The following VPS53 variants were observed in gnomAD, a reference collection of about 807,000 sequenced individuals.
The protein encoded by VPS53 is vacuolar protein sorting-associated protein 53 homolog.
VPS53 carries 70 observed loss-of-function variants against 107.0 expected under a neutral mutation model. The observed-to-expected ratio is 0.65, with a 90% confidence interval of 0.54 to 0.80. VPS53 has a LOEUF of 0.80. Ranked by LOEUF, VPS53 falls within the 30% of genes least tolerant of loss-of-function variation. VPS53 has a pLI of 0.00. For synonymous variants in VPS53, 409 were observed against 393.3 expected (o/e 1.04, Z -0.47); for missense variants, 917 against 1,049.4 (o/e 0.87, Z 1.74).
intron 11 of VPS53, among the ~76,000 whole-genome samples, chr17:606,748 G>A (rs1211473880): frequency 6.6e-6 from 1 of 152,182 alleles, no homozygotes; most frequent in African/African-American, 2.4e-5. Context: ...GGCAAACCCT[G>A]TTGTGAGCTG....
intron 12 of VPS53, among the ~76,000 whole-genome samples, chr17:596,790 T>C (rs759542605): frequency 3.3e-5 from 5 of 152,218 alleles, no homozygotes; most frequent in Non-Finnish European, 5.9e-5. Context: ...GCTTAAACAC[T>C]ACACTAAGTC....
intron 12 of VPS53, among the ~76,000 whole-genome samples, chr17:597,806 G>A (rs1968047939): frequency 6.6e-6 from 1 of 151,768 alleles, no homozygotes; most frequent in Non-Finnish European, 1.5e-5. Context: ...CTGACCTCAG[G>A]TGATCGGCCT....
rs1053769063 is a variant in VPS53, at chr17:512,150, C to G, written c.*6978G>C. 6.6e-6 allele frequency: 1 copy of G among 152,202 alleles called. No individual in the cohort carries two copies. The allele number at this position is 152,202 out of a possible 1,614,324, so 9.4% of individuals were successfully genotyped here. A position where few individuals can be genotyped will look rare whatever the true frequency, so the allele number is the denominator to read the frequency against. On this transcript the variant is annotated 3_prime_UTR_variant, in exon 22 of 22. Transcript: ENST00000437048. ...GAGCTCGCTGCGGATGTAGCCTGCACACGGCCGCAGGATTTGTCACCACTC... is the reference window on the plus strand; with the variant it reads ...GAGCTCGCTGCGGATGTAGCCTGCAGACGGCCGCAGGATTTGTCACCACTC...
intron 15 of VPS53, among the ~76,000 whole-genome samples, chr17:559,324 A>T (rs1463015447): frequency 1.3e-5 from 2 of 152,186 alleles, no homozygotes; most frequent in Admixed American, 1.3e-4. Flanking sequence ...AAAATAGCAT[A>T]TTTACATGTA....
rs993505876 is a variant in VPS53 at position 520,371 on chromosome 17, G to T, written c.2224-441C>A. Among the ~76,000 whole-genome samples, 1 of 152,166 alleles carries T rather than the reference G, an allele frequency of 6.6e-6. No individual in the cohort carries two copies. Among genetic ancestry groups the T allele is most frequent in the Non-Finnish European group, 1.5e-5 (1 of 68,038 alleles). On this transcript the variant is annotated intron_variant, in intron 20 of 21. Transcript: ENST00000437048. This position sits in a 1 kb window ranked among gnomAD's most constrained non-coding sequence, Gnocchi z 4.4. ...GGCATTTCACCAGTACACGGTACTT[G>T]CTCCTTCTGCCTTGACGTACTATGA...
intron 15 of VPS53, among the ~76,000 whole-genome samples, chr17:556,580 C>G (rs571195774): frequency 3.5e-4 from 53 of 152,162 alleles, no homozygotes; most frequent in Non-Finnish European, 6.6e-4. Flanking sequence ...AGCTTAATCC[C>G]TGAAGCCACA....
At chr17:567,504 CT>C (rs56006720) in intron 13 of VPS53, among the ~76,000 whole-genome samples, 75,196 of 145,028 alleles carry the variant, frequency 0.52, 20,011 homozygotes, top group African/African-American at 0.69. Context: ...GATCACATTT[CT>C]TTTTTTTTTT....
At chr17:573,050 A>G in intron 13 of VPS53, among the ~76,000 whole-genome samples, 1 of 152,302 alleles carries the variant, frequency 6.6e-6, no homozygotes, top group Middle Eastern at 3.4e-3. Flanking sequence ...AAATAAAATA[A>G]AATAATCAAC....
At chr17:551,564 C>A in intron 17 of VPS53, 1 of 162,922 alleles carries the variant, frequency 6.1e-6, no homozygotes. Context: ...GAGACCCTGT[C>A]TCTAAAAAAA....
rs748049590 is a variant in VPS53 at position 537,137 on chromosome 17, G to A, written c.1906C>T (p.Pro636Ser). ...TGCAGAATGACAGAGGTGACGTAGG[G>A]GCTCTGGTCACCAACGTGCTCCACG... ...QNVEHVGDQS[P>S]YVTSVILHIK... The change falls in exon 18 of 22, where the codon CCC becomes TCC. Residue 636 changes from proline (P) to serine (S), a missense_variant. Transcript: ENST00000437048. 1.2e-6 allele frequency: 2 copies of A among 1,614,106 alleles called. No homozygotes were observed. The highest frequency in any genetic ancestry group is 3.3e-5 in the Admixed American group (2 of 60,006).
chr17:662,030 C>T, intron 4 of VPS53, 135 bp from the exon 5 acceptor site: 1 of 778,758 alleles, frequency 1.3e-6, no homozygotes, highest in Non-Finnish European at 2.0e-6. Context: ...AACAATTTTT[C>T]TGGACCAAAA....
chr17:535,069 G>A (rs1909925360), intron 18 of VPS53, among the ~76,000 whole-genome samples: 1 of 152,204 alleles, frequency 6.6e-6, no homozygotes, highest in South Asian at 2.1e-4. Context: ...GCTTCTCTGG[G>A]CCATCAGGGC....
rs1036729320 is a variant in VPS53 at position 516,432 on chromosome 17, TCTCGGCTCACTGCAATCTTTGC to T, written c.*2674_*2695del. On this transcript the variant is annotated 3_prime_UTR_variant, in exon 22 of 22. Coordinates refer to ENST00000437048, the MANE Select transcript of VPS53 (RefSeq NM_001128159.3). ...GCCAGGCTGGAGTGCAGTGGCGTGA[TCTCGGCTCACTGCAATCTTTGC>T]CTCCCGGGTTCAAGCGATTCTCCTG... 3 of 151,976 alleles carry T rather than the reference TCTCGGCTCACTGCAATCTTTGC, an allele frequency of 2.0e-5. No individual in the cohort carries two copies. Among genetic ancestry groups the T allele is most frequent in the African/African-American group, 7.3e-5 (3 of 41,368 alleles). 9.4% of individuals were successfully genotyped at this position (151,976 alleles called of 1,614,324 possible).
chr17:596,558 C>A (rs1420921579), intron 12 of VPS53, among the ~76,000 whole-genome samples: 1 of 152,226 alleles, frequency 6.6e-6, no homozygotes, highest in African/African-American at 2.4e-5. Context: ...CCTGCCACCA[C>A]AGCACCCGGG....
At chr17:662,550 A>G (rs767450818) in intron 4 of VPS53, among the ~76,000 whole-genome samples, 2 of 151,950 alleles carry the variant, frequency 1.3e-5, no homozygotes, top group South Asian at 2.1e-4. Flanking sequence ...CTAGCCAGGC[A>G]CAGTGGCACG....
intron 7 of VPS53, among the ~76,000 whole-genome samples, chr17:651,651 CAAAG>C (rs1262468767): frequency 6.6e-6 from 1 of 152,192 alleles, no homozygotes; most frequent in Non-Finnish European, 1.5e-5. Context: ...TTAAGGAAAA[CAAAG>C]AAGCCTGTAG....
At chr17:550,921 G>A (rs981143211) in intron 17 of VPS53, among the ~76,000 whole-genome samples, 3 of 152,120 alleles carry the variant, frequency 2.0e-5, no homozygotes, top group East Asian at 1.9e-4. Flanking sequence ...TGGCACCAGA[G>A]CTCAGAAGGA....
chr17:661,784 A>T, intron 5 of VPS53, 25 bp downstream of exon 5: 1 of 1,544,762 alleles, frequency 6.5e-7, no homozygotes, highest in African/African-American at 1.4e-5. Context: ...TGGTGCAAAA[A>T]GGTTAGGAAG....
intron 4 of VPS53, among the ~76,000 whole-genome samples, chr17:676,981 G>C (rs1462529890): frequency 6.6e-6 from 1 of 152,076 alleles, no homozygotes; most frequent in African/African-American, 2.4e-5. Context: ...TAATGCACCT[G>C]AGTCTATGGA....
Sources: allele counts gnomAD v4.1 joint callset (sites outside exome capture counted in the v4.1 genomes callset), GRCh38; gene constraint gnomAD v4.1.1; non-coding constraint Gnocchi (gnomAD v3.1); transcripts MANE v1.5; gene names NCBI Gene and HGNC (gene_info 2026-07-23, HGNC 2026-07-21).